The following PITPNC1 variants were observed in gnomAD, a reference collection of about 807,000 sequenced individuals.
The protein encoded by PITPNC1 is cytoplasmic phosphatidylinositol transfer protein 1.
PITPNC1 carries 18 observed loss-of-function variants against 44.7 expected under a neutral mutation model. That is an observed-to-expected ratio of 0.40 (90% confidence interval 0.28 to 0.60). The LOEUF (loss-of-function observed/expected upper bound fraction) is 0.60, where lower values mean the gene tolerates loss of function less well. Among genes scored for constraint, PITPNC1 ranks in the 20% least tolerant of loss-of-function variants. The probability of loss-of-function intolerance (pLI) is 0.39; values close to 1 mark genes in which losing one functional copy is unlikely to be tolerated. For missense variants in PITPNC1, 290 were observed against 418.4 expected (o/e 0.69, Z 2.68); for synonymous variants, 141 against 149.6 (o/e 0.94, Z 0.42).
At chr17:67,466,213 G>GA (rs1161840699) in intron 1 of PITPNC1, among the ~76,000 whole-genome samples, 1 of 135,636 alleles carries the variant, frequency 7.4e-6, no homozygotes, top group African/African-American at 2.6e-5. Flanking sequence ...GGTGGGGGGG[G>GA]GCGCGTCTCA....
Position 67,597,040 on chromosome 17 carries a change from C to T in PITPNC1, c.366+18783C>T, listed in dbSNP as rs2041469078. Among the ~76,000 whole-genome samples, 1 of 151,906 alleles carries T rather than the reference C, an allele frequency of 6.6e-6. No homozygotes were observed. Among genetic ancestry groups the T allele is most frequent in the Non-Finnish European group, 1.5e-5 (1 of 67,950 alleles). ...TCCCAAGTAACTGGGACTATAGGCA[C>T]TTGCCACCATGCTCGCCTAATTTTT... On this transcript the variant is annotated intron_variant, in intron 5 of 8. Coordinates refer to ENST00000581322, the MANE Select transcript of PITPNC1 (RefSeq NM_012417.4). This position sits in a 1 kb window ranked among gnomAD's most constrained non-coding sequence, Gnocchi z 4.0.
At chr17:67,631,638 A>AC (rs2041970213) in intron 5 of PITPNC1, among the ~76,000 whole-genome samples, 2 of 16,472 alleles carry the variant, frequency 1.2e-4, no homozygotes, top group African/African-American at 3.8e-4. Context: ...CAAAAACCAA[A>AC]AAAAAAAAAA....
intron 1 of PITPNC1, among the ~76,000 whole-genome samples, chr17:67,435,486 C>T (rs1413117537): frequency 1.3e-5 from 2 of 152,196 alleles, no homozygotes; most frequent in Non-Finnish European, 2.9e-5. Context: ...ACCAATGAGA[C>T]AAACTCCTGC....
rs770987990 is a variant in PITPNC1, at chr17:67,632,214, A to G, written c.438A>G (p.Pro146=). Residue 146 remains proline (P), a synonymous_variant, in exon 6 of 9, where the codon CCA becomes CCG. Transcript: ENST00000581322. ...CFIDIACDEI[P]ERYYKESEDP... is the part of the protein sequence containing the mutation. ...TTGATATTGCCTGCGATGAAATTCCAGAGCGCTACTACAAAGAATCTGAGG... is the reference window on the plus strand; with the variant it reads ...TTGATATTGCCTGCGATGAAATTCCGGAGCGCTACTACAAAGAATCTGAGG... 1.2e-6 allele frequency: 2 copies of G among 1,609,284 alleles called. No homozygotes were observed. Among genetic ancestry groups the G allele is most frequent in the Non-Finnish European group, 1.7e-6 (2 of 1,175,634 alleles).
At chr17:67,438,985 A>G (rs1414312867) in intron 1 of PITPNC1, among the ~76,000 whole-genome samples, 1 of 152,064 alleles carries the variant, frequency 6.6e-6, no homozygotes, top group African/African-American at 2.4e-5. Flanking sequence ...AATGACCTGC[A>G]CTCTCCACAA....
intron 1 of PITPNC1, among the ~76,000 whole-genome samples, chr17:67,513,466 A>T (rs2040217303): frequency 7.3e-6 from 1 of 137,138 alleles, no homozygotes; most frequent in African/African-American, 2.9e-5. Context: ...CATATACTAT[A>T]TTTTTACTAT....
intron 5 of PITPNC1, among the ~76,000 whole-genome samples, chr17:67,608,657 GT>G (rs996632223): frequency 2.1e-5 from 3 of 140,536 alleles, no homozygotes; most frequent in Non-Finnish European, 3.1e-5. Flanking sequence ...CACCTGTCTA[GT>G]TTTTCTAGTT....
chr17:67,568,486 A>C (rs1289610943), intron 4 of PITPNC1, among the ~76,000 whole-genome samples: 1 of 152,076 alleles, frequency 6.6e-6, no homozygotes, highest in African/African-American at 2.4e-5. Context: ...GAAATGGGTG[A>C]ATTATATGGT....
At chr17:67,491,353 T>C (rs1189439459) in intron 1 of PITPNC1, among the ~76,000 whole-genome samples, 3 of 152,218 alleles carry the variant, frequency 2.0e-5, no homozygotes, top group African/African-American at 4.8e-5. Context: ...TGCCGGGCCG[T>C]TCATTAAGAA....
chr17:67,669,183 C>A (rs1227053743), intron 6 of PITPNC1, among the ~76,000 whole-genome samples: 2 of 152,124 alleles, frequency 1.3e-5, no homozygotes, highest in African/African-American at 4.8e-5. Flanking sequence ...CTTGGCTCAC[C>A]ACAACCTCTG....
chr17:67,569,700 A>C (rs2041026431), intron 4 of PITPNC1, among the ~76,000 whole-genome samples: 1 of 152,334 alleles, frequency 6.6e-6, no homozygotes, highest in East Asian at 1.9e-4. Flanking sequence ...GCTTACGTGG[A>C]TCTAAGCTAG....
chr17:67,657,596 A>T (rs543795934), intron 6 of PITPNC1, among the ~76,000 whole-genome samples: 1 of 150,788 alleles, frequency 6.6e-6, no homozygotes, highest in African/African-American at 2.5e-5. Flanking sequence ...CGGTGTCCTT[A>T]TCTATAAAAC....
intron 1 of PITPNC1, among the ~76,000 whole-genome samples, chr17:67,530,147 AGTGGT>A: frequency 7.7e-6 from 1 of 129,460 alleles, no homozygotes; most frequent in East Asian, 2.6e-4. Flanking sequence ...ACTAGAGAGC[AGTGGT>A]GTGATCTCTG....
chr17:67,442,770 G>A (rs1469964394), intron 1 of PITPNC1, among the ~76,000 whole-genome samples: 1 of 151,980 alleles, frequency 6.6e-6, no homozygotes. Context: ...CAGGAGAATT[G>A]CTTGAACCAG....
At chr17:67,487,882 A>G (rs2039803523) in intron 1 of PITPNC1, among the ~76,000 whole-genome samples, 1 of 152,202 alleles carries the variant, frequency 6.6e-6, no homozygotes, top group African/African-American at 2.4e-5. Flanking sequence ...TTCGCATCTT[A>G]TACCCTGTAT....
At chr17:67,609,454 T>C (rs536153595) in intron 5 of PITPNC1, among the ~76,000 whole-genome samples, 4 of 151,726 alleles carry the variant, frequency 2.6e-5, no homozygotes, top group Admixed American at 6.6e-5. Context: ...CATGCCCGGC[T>C]AACTTTTGTA....
intron 1 of PITPNC1, among the ~76,000 whole-genome samples, chr17:67,456,067 T>C (rs1187348529): frequency 1.3e-5 from 2 of 152,228 alleles, no homozygotes; most frequent in African/African-American, 2.4e-5. Flanking sequence ...AGTCTATTAT[T>C]ATCATCCCAT....
chr17:67,589,078 G>T (rs1394082458), intron 5 of PITPNC1, among the ~76,000 whole-genome samples: 5 of 152,212 alleles, frequency 3.3e-5, no homozygotes, highest in Admixed American at 3.3e-4. Flanking sequence ...GCTTTGGTCT[G>T]TGAAGTGGAA....
intron 5 of PITPNC1, among the ~76,000 whole-genome samples, chr17:67,581,746 C>G (rs1024190111): frequency 6.6e-6 from 1 of 152,130 alleles, no homozygotes; most frequent in Non-Finnish European, 1.5e-5. Flanking sequence ...AGAAAAGGAG[C>G]GTTGCGCCGA....
Sources: gnomAD v4.1 joint callset for allele counts (sites outside exome capture counted in the v4.1 genomes callset) on GRCh38, gnomAD v4.1.1 for gene constraint, Gnocchi (gnomAD v3.1) non-coding constraint, MANE v1.5 for transcripts, NCBI Gene and HGNC (gene_info 2026-07-23, HGNC 2026-07-21) for gene names.